Variants in DYNLL1 observed in about 807,000 individuals in gnomAD.
The protein encoded by DYNLL1 is dynein light chain 1, cytoplasmic.
Under a neutral mutation model 10.1 loss-of-function variants are expected in DYNLL1, and 3 were observed. The ratio of observed to expected loss-of-function variants is 0.30; its 90% confidence interval spans 0.14 to 0.77. DYNLL1 has a LOEUF of 0.77. Among genes scored for constraint, DYNLL1 ranks in the 30% least tolerant of loss-of-function variants. The probability of loss-of-function intolerance (pLI) is 0.66; values close to 1 mark genes in which losing one functional copy is unlikely to be tolerated. For missense variants in DYNLL1, 47 were observed against 111.7 expected (o/e 0.42, Z 2.61); for synonymous variants, 46 against 41.2 (o/e 1.12, Z -0.45).
At chr12:120,495,419 G>A (rs905719223), upstream of DYNLL1, 3 of 152,058 alleles carry the variant, frequency 2.0e-5, no homozygotes, top group Admixed American at 1.3e-4. Flanking sequence ...CCCCACTCTT[G>A]GGGATAATCC....
At chr12:120,474,114 A>C (rs2137056589) in intron 1 of DYNLL1, among the ~76,000 whole-genome samples, 1 of 152,200 alleles carries the variant, frequency 6.6e-6, no homozygotes, top group Admixed American at 6.5e-5. Flanking sequence ...AGCCTGGGCA[A>C]CATGTTAAAA....
intron 1 of DYNLL1, among the ~76,000 whole-genome samples, chr12:120,485,514 A>C (rs985000122): frequency 1.3e-5 from 2 of 151,774 alleles, no homozygotes; most frequent in Non-Finnish European, 2.9e-5. Flanking sequence ...TCGGCCTCCC[A>C]AAGTGCTGGG....
intron 1 of DYNLL1, 62 bp from the exon 2 acceptor site, chr12:120,496,354 G>A (rs1432963999): frequency 4.4e-6 from 7 of 1,603,426 alleles, no homozygotes; most frequent in Non-Finnish European, 6.0e-6. Flanking sequence ...CCGGGGTGGG[G>A]GCAGTTAGTG....
intron 1 of DYNLL1, among the ~76,000 whole-genome samples, chr12:120,478,896 G>A (rs1565920732): frequency 6.7e-6 from 1 of 148,584 alleles, no homozygotes; most frequent in South Asian, 2.3e-4. Flanking sequence ...TGTTGGCCAG[G>A]CTGGTCTTGA....
At chr12:120,472,721 C>T (rs1034915069) in intron 1 of DYNLL1, among the ~76,000 whole-genome samples, 9 of 152,186 alleles carry the variant, frequency 5.9e-5, no homozygotes, top group Admixed American at 3.3e-4. Flanking sequence ...TTTAATTGTG[C>T]AATGTCCTGC....
At chr12:120,481,784 T>G (rs1361501315) in intron 1 of DYNLL1, among the ~76,000 whole-genome samples, 2 of 152,230 alleles carry the variant, frequency 1.3e-5, no homozygotes, top group African/African-American at 4.8e-5. Context: ...TCTCTAGTAA[T>G]GTGGATAGTC....
chr12:120,477,319 G>A (rs933479966), intron 1 of DYNLL1, among the ~76,000 whole-genome samples: 1 of 152,134 alleles, frequency 6.6e-6, no homozygotes, highest in African/African-American at 2.4e-5. Context: ...TTTGGTGGTG[G>A]CTTCACTCCT....
At position 120,485,040 on chromosome 12, in the gene DYNLL1, G is replaced by A. The variant is rs917723502; in HGVS notation, c.-6-11376G>A. Among the ~76,000 whole-genome samples the A allele has an allele frequency of 5.3e-5, 8 of 151,408 alleles. No individual in the cohort carries two copies. The East Asian group carries it at 6.0e-4, about 11-fold the overall frequency. ...CAGGCGTGAGCCACCGCCCCTGGCC[G>A]CATGGGCTATAAAGAAGCTATTAAA... On this transcript the variant is annotated intron_variant, in intron 1 of 2. Transcript: ENST00000392509.
chr12:120,483,167 G>A (rs1183305858), intron 1 of DYNLL1, among the ~76,000 whole-genome samples: 2 of 151,726 alleles, frequency 1.3e-5, no homozygotes, highest in Non-Finnish European at 2.9e-5. Context: ...GTGAAACCCC[G>A]TCTCTACTAA....
At chr12:120,498,016 G>A in intron 2 of DYNLL1, 57 bp from the exon 3 acceptor site, 1 of 1,560,598 alleles carries the variant, frequency 6.4e-7, no homozygotes, top group South Asian at 1.2e-5. Context: ...TTATCCAAGA[G>A]GCAAACACTG....
intron 1 of DYNLL1, among the ~76,000 whole-genome samples, chr12:120,478,168 G>A (rs1878798608): frequency 6.6e-6 from 1 of 151,626 alleles, no homozygotes; most frequent in Non-Finnish European, 1.5e-5. Context: ...GAGTGCAATG[G>A]CACAATCTTT....
chr12:120,478,668 A>G (rs1490980923), intron 1 of DYNLL1, among the ~76,000 whole-genome samples: 1 of 147,180 alleles, frequency 6.8e-6, no homozygotes, highest in Non-Finnish European at 1.5e-5. Flanking sequence ...CCTGGCCAAC[A>G]TGGTGAAACC....
rs550304010 is a variant in DYNLL1 at position 120,496,160 on chromosome 12, G to A, written c.-63G>A. On this transcript the variant is annotated 5_prime_UTR_variant, in exon 1 of 3. Transcript: ENST00000242577. Reference sequence around the variant, plus strand: ...CGACGGTATCTCTAGCCGGGCCTGAGCTGTGCTAGCACCTCCCCCAGGAGA... The same window carrying A: ...CGACGGTATCTCTAGCCGGGCCTGAACTGTGCTAGCACCTCCCCCAGGAGA... The A allele has an allele frequency of 1.4e-3, 810 of 585,026 alleles. 5 individuals carry two copies. Among genetic ancestry groups the A allele is most frequent in the African/African-American group, 0.013 (708 of 53,484 alleles). 36.2% of individuals were successfully genotyped at this position (585,026 alleles called of 1,614,324 possible).
intron 1 of DYNLL1, among the ~76,000 whole-genome samples, chr12:120,478,847 G>C (rs1194471698): frequency 1.2e-4 from 18 of 146,172 alleles, no homozygotes; most frequent in Non-Finnish European, 7.5e-5. Context: ...ACCACGCCCA[G>C]CTAATTTTTG....
chr12:120,475,137 G>A (rs1384020703), intron 1 of DYNLL1, among the ~76,000 whole-genome samples: 1 of 152,016 alleles, frequency 6.6e-6, no homozygotes, highest in East Asian at 1.9e-4. Context: ...ATTCCCCTCT[G>A]GTGTTTTTTT....
In DYNLL1 at chr12:120,496,233, G is replaced by T. The variant is rs1051756759; in HGVS notation, c.-7+17G>T. 2.4e-6 allele frequency: 2 copies of T among 837,916 alleles called. No individual in the cohort carries two copies. Among genetic ancestry groups the T allele is most frequent in the Non-Finnish European group, 3.7e-6 (2 of 541,540 alleles). The allele number at this position is 837,916 out of a possible 1,614,324, so 51.9% of individuals were successfully genotyped here. A position where few individuals can be genotyped will look rare whatever the true frequency, so the allele number is the denominator to read the frequency against. On this transcript the variant is annotated intron_variant, in intron 1 of 2. Transcript: ENST00000242577. Reference sequence around the variant, plus strand: ...TTCTCCACGGTGAGAAACTCGGGGGGCCAGGGGGTGTCCTCGCTGCCTTAT... The same window carrying T: ...TTCTCCACGGTGAGAAACTCGGGGGTCCAGGGGGTGTCCTCGCTGCCTTAT...
rs12857 is a variant in DYNLL1 at position 120,496,143 on chromosome 12, T to G, written c.-80T>G. ...CGCCACGGTTTCGGTAGCGACGGTA[T>G]CTCTAGCCGGGCCTGAGCTGTGCTA... On this transcript the variant is annotated 5_prime_UTR_variant, in exon 1 of 3. Coordinates refer to ENST00000242577, the MANE Select transcript of DYNLL1 (RefSeq NM_003746.3). 0.8 allele frequency: 426,686 copies of G among 531,730 alleles called. 172,862 individuals carry two copies. The highest frequency in any genetic ancestry group is 0.86 in the East Asian group (26,066 of 30,294). The allele number at this position is 531,730 out of a possible 1,614,324, so 32.9% of individuals were successfully genotyped here.
intron 1 of DYNLL1, among the ~76,000 whole-genome samples, chr12:120,485,401 G>A (rs139109466): frequency 0.015 from 2,265 of 151,552 alleles, 62 homozygotes; most frequent in African/African-American, 0.052. Flanking sequence ...GATTACAGGC[G>A]CCCACCACCA....
upstream of DYNLL1, among the ~76,000 whole-genome samples, chr12:120,494,187 C>T (rs1174825908): frequency 1.3e-5 from 2 of 151,966 alleles, no homozygotes; most frequent in Non-Finnish European, 2.9e-5. Flanking sequence ...ACTCCTCAAA[C>T]CCTGAATCTC....
Sources: gnomAD v4.1 joint callset for allele counts (sites outside exome capture counted in the v4.1 genomes callset) on GRCh38, gnomAD v4.1.1 for gene constraint, MANE v1.5 for transcripts, NCBI Gene and HGNC (gene_info 2026-07-23, HGNC 2026-07-21) for gene names.